PARD3B: variants seen among roughly 807,000 people sequenced by gnomAD.
PARD3B encodes partitioning defective 3 homolog B.
A neutral mutation model predicts 130.2 loss-of-function variants in PARD3B; 103 were observed. The observed-to-expected ratio is 0.79, with a 90% confidence interval of 0.67 to 0.93. PARD3B has a LOEUF of 0.93. Ranked by LOEUF, PARD3B falls within the 40% of genes least tolerant of loss-of-function variation. The pLI is 0.00. For synonymous variants in PARD3B, 583 were observed against 553.2 expected (o/e 1.05, Z -0.76); for missense variants, 1,609 against 1,499.2 (o/e 1.07, Z -1.21).
chr2:205,219,930 C>T (rs1399440570), intron 15 of PARD3B, among the ~76,000 whole-genome samples: 1 of 152,146 alleles, frequency 6.6e-6, no homozygotes, highest in Admixed American at 6.5e-5. Context: ...GCTTACTTGT[C>T]ACGTTTGTAG....
rs1425109319 is a variant in PARD3B at position 205,563,266 on chromosome 2, G to A, written c.3260+9863G>A. ...AACTAAGAACAATCAAGGCAAGGGA[G>A]AGGTTGTAAAACCTATTGCGTGCCT... On this transcript the variant is annotated intron_variant, in intron 22 of 22. Transcript: ENST00000406610. This position sits in a 1 kb window ranked among gnomAD's most constrained non-coding sequence, Gnocchi z 4.2. Among the ~76,000 whole-genome samples, 1 of 152,198 alleles carries A rather than the reference G, an allele frequency of 6.6e-6. No homozygotes were observed. The highest frequency in any genetic ancestry group is 2.4e-5 in the African/African-American group (1 of 41,454).
At chr2:205,148,199 G>A (rs934371400) in intron 10 of PARD3B, among the ~76,000 whole-genome samples, 6 of 151,996 alleles carry the variant, frequency 3.9e-5, no homozygotes, top group African/African-American at 1.4e-4. Context: ...TTTAGAGGGT[G>A]AAATACTTTA....
intron 6 of PARD3B, among the ~76,000 whole-genome samples, chr2:205,118,320 C>T (rs115946715): frequency 0.015 from 2,348 of 152,254 alleles, 56 homozygotes; most frequent in African/African-American, 0.052. Context: ...AGTGAAATTA[C>T]CTGGTCCTGG....
chr2:205,160,436 T>C lies in PARD3B; in HGVS notation c.1620+1529T>C, dbSNP rs2034442791. On this transcript the variant is annotated intron_variant, in intron 11 of 22. Transcript: ENST00000406610. This position sits in a 1 kb window ranked among gnomAD's most constrained non-coding sequence, Gnocchi z 4.0. The stretch of plus-strand genomic sequence containing the variant: ...CAGAGGGCCAGCGGCAGTGGGTGAA[T>C]CCGCGGGCTCCAAGCTAGCACACTG... 6.6e-6 allele frequency among the ~76,000 whole-genome samples: 1 copy of C among 152,096 alleles called. No homozygotes were observed. Among genetic ancestry groups the C allele is most frequent in the Non-Finnish European group, 1.5e-5 (1 of 68,024 alleles).
At chr2:205,067,692 GA>G (rs1260538266) in intron 4 of PARD3B, among the ~76,000 whole-genome samples, 9 of 152,262 alleles carry the variant, frequency 5.9e-5, no homozygotes, top group Admixed American at 2.0e-4. Context: ...TTTGGCATGA[GA>G]AATCAGTTAT....
chr2:205,527,085 T>C (rs1219578689), intron 21 of PARD3B, among the ~76,000 whole-genome samples: 1 of 152,154 alleles, frequency 6.6e-6, no homozygotes, highest in African/African-American at 2.4e-5. Context: ...ACACAGCAAG[T>C]GTAACTATAA....
intron 2 of PARD3B, among the ~76,000 whole-genome samples, chr2:204,710,596 A>G (rs1421808272): frequency 6.6e-6 from 1 of 152,128 alleles, no homozygotes; most frequent in Non-Finnish European, 1.5e-5. Context: ...GCTGATTTGG[A>G]TGGGGGTTCT....
intron 21 of PARD3B, among the ~76,000 whole-genome samples, chr2:205,506,664 A>C (rs552139502): frequency 2.4e-4 from 37 of 152,346 alleles, no homozygotes; most frequent in African/African-American, 7.0e-4. Context: ...AAGGTTTTTC[A>C]TAAACACCAG....
At chr2:204,642,832 G>T (rs183724600) in intron 1 of PARD3B, among the ~76,000 whole-genome samples, 1 of 151,102 alleles carries the variant, frequency 6.6e-6, no homozygotes, top group Non-Finnish European at 1.5e-5. Flanking sequence ...GGCACCTCTC[G>T]GCCGGGCGCG....
At chr2:204,954,224 A>T (rs533027902) in intron 2 of PARD3B, among the ~76,000 whole-genome samples, 2 of 152,350 alleles carry the variant, frequency 1.3e-5, no homozygotes, top group Non-Finnish European at 2.9e-5. Flanking sequence ...GGAGTTCAGC[A>T]GCTAAACCCA....
chr2:204,965,387 C>A, intron 3 of PARD3B, 64 bp downstream of exon 3: 1 of 1,473,682 alleles, frequency 6.8e-7, no homozygotes, highest in Non-Finnish European at 9.3e-7. Context: ...GTTGATTAGG[C>A]ATTGTTTCTT....
intron 20 of PARD3B, among the ~76,000 whole-genome samples, chr2:205,493,285 T>C (rs2049791703): frequency 6.6e-6 from 1 of 152,144 alleles, no homozygotes; most frequent in Non-Finnish European, 1.5e-5. Flanking sequence ...AAAGCTGGGA[T>C]GATTTTTAGC....
chr2:205,221,216 C>T (rs1022062650), intron 15 of PARD3B, among the ~76,000 whole-genome samples: 8 of 152,156 alleles, frequency 5.3e-5, no homozygotes, highest in Non-Finnish European at 1.2e-4. Flanking sequence ...GGTTTGCTAG[C>T]ACTTACTCCA....
intron 19 of PARD3B, among the ~76,000 whole-genome samples, chr2:205,437,503 T>C (rs546543158): frequency 6.6e-6 from 1 of 152,298 alleles, no homozygotes; most frequent in East Asian, 1.9e-4. Flanking sequence ...TTGTCCAATA[T>C]AGTAGTTACT....
intron 18 of PARD3B, among the ~76,000 whole-genome samples, chr2:205,326,037 T>A (rs2042929038): frequency 6.6e-6 from 1 of 152,172 alleles, no homozygotes; most frequent in Non-Finnish European, 1.5e-5. Context: ...AATTTGCATG[T>A]GAAGTATACT....
intron 2 of PARD3B, among the ~76,000 whole-genome samples, chr2:204,958,770 C>A (rs1690494093): frequency 6.6e-6 from 1 of 152,078 alleles, no homozygotes; most frequent in African/African-American, 2.4e-5. Flanking sequence ...TTCTCACCCC[C>A]AAAAACACTC....
rs965094475 is a variant in PARD3B, at chr2:205,193,112, G to A, written c.2025-93G>A. Reference sequence around the variant, plus strand: ...TATGTGGTTGGGAGCTGCGCAGAGTGATGAGTGGCTGTGTTCAAAATGAGA... The same window carrying A: ...TATGTGGTTGGGAGCTGCGCAGAGTAATGAGTGGCTGTGTTCAAAATGAGA... On this transcript the variant is annotated intron_variant, in intron 14 of 22. Coordinates refer to ENST00000406610, the MANE Select transcript of PARD3B (RefSeq NM_001302769.2). 9 of 810,008 alleles carry A rather than the reference G, an allele frequency of 1.1e-5. No homozygotes were observed. The African/African-American group carries it at 1.5e-4, about 14-fold the overall frequency. The allele number at this position is 810,008 out of a possible 1,614,324, so 50.2% of individuals were successfully genotyped here.
intron 1 of PARD3B, among the ~76,000 whole-genome samples, chr2:204,559,699 A>C (rs1223803846): frequency 6.6e-6 from 1 of 152,246 alleles, no homozygotes; most frequent in Non-Finnish European, 1.5e-5. Flanking sequence ...TATATACCCA[A>C]AGGATTATAA....
Position 204,998,388 on chromosome 2 carries a change from G to A in PARD3B, c.394+33065G>A, listed in dbSNP as rs13027345. 9.2e-5 allele frequency among the ~76,000 whole-genome samples: 7 copies of A among 76,238 alleles called. 1 individual carries two copies. The South Asian group carries it at 1.0e-3, about 11-fold the overall frequency. The allele number at this position is 76,238 out of a possible 152,430, so 50.0% of individuals were successfully genotyped here. A position where few individuals can be genotyped will look rare whatever the true frequency, so the allele number is the denominator to read the frequency against. Reference sequence around the variant, plus strand: ...TGTGTGTGTGTGTATATATGTGTGTGTATATATGTATATATGTGTATATAT... The same window carrying A: ...TGTGTGTGTGTGTATATATGTGTGTATATATATGTATATATGTGTATATAT... On this transcript the variant is annotated intron_variant, in intron 3 of 22. Transcript: ENST00000406610.
Sources: allele counts gnomAD v4.1 joint callset (sites outside exome capture counted in the v4.1 genomes callset), GRCh38; gene constraint gnomAD v4.1.1; non-coding constraint Gnocchi (gnomAD v3.1); transcripts MANE v1.5; gene names NCBI Gene and HGNC (gene_info 2026-07-23, HGNC 2026-07-21).